The following KHDRBS2 variants were observed in gnomAD, a reference collection of about 807,000 sequenced individuals.
The protein encoded by KHDRBS2 is KH RNA binding domain containing, signal transduction associated 2, also known as KH domain-containing, RNA-binding, signal transduction-associated protein 2.
KHDRBS2 carries 26 observed loss-of-function variants against 44.3 expected under a neutral mutation model. That is an observed-to-expected ratio of 0.59 (90% confidence interval 0.43 to 0.81). The LOEUF (loss-of-function observed/expected upper bound fraction) is 0.81. Ranked by LOEUF, KHDRBS2 falls within the 40% of genes least tolerant of loss-of-function variation. The pLI is 0.00. For missense variants in KHDRBS2, 476 were observed against 433.1 expected, an observed-to-expected ratio of 1.10 and a Z score of -0.88; for synonymous variants, 194 against 151.1, an observed-to-expected ratio of 1.28 and a Z score of -2.08.
chr6:61,803,271 G>T (rs1002210005), intron 6 of KHDRBS2, among the ~76,000 whole-genome samples: 2 of 152,126 alleles, frequency 1.3e-5, no homozygotes, highest in Admixed American at 1.3e-4. Context: ...TGGAAACAAT[G>T]ATTATTAAGA....
intron 2 of KHDRBS2, among the ~76,000 whole-genome samples, chr6:62,107,409 G>A (rs994670194): frequency 1.2e-4 from 18 of 152,092 alleles, no homozygotes; most frequent in African/African-American, 4.1e-4. Context: ...CCTCTTCAAG[G>A]AGAACTACAA....
At chr6:62,101,541 A>G (rs896676578) in intron 2 of KHDRBS2, among the ~76,000 whole-genome samples, 4 of 152,204 alleles carry the variant, frequency 2.6e-5, no homozygotes, top group African/African-American at 9.7e-5. Context: ...TTGGCAAGAG[A>G]TGACAGAGGC....
the KHDRBS2 span, among the ~76,000 whole-genome samples, chr6:61,568,706 C>T: frequency 6.6e-6 from 1 of 152,128 alleles, no homozygotes; most frequent in Non-Finnish European, 1.5e-5. Flanking sequence ...ATTTAGGGAG[C>T]TGTGTGAAAT....
the KHDRBS2 span, among the ~76,000 whole-genome samples, chr6:61,557,964 C>T: frequency 1.3e-5 from 2 of 152,110 alleles, no homozygotes; most frequent in African/African-American, 2.4e-5. Context: ...TCCTTTGACG[C>T]TGTATCAGTT....
At chr6:61,684,709 C>A (rs1766640018) in intron 8 of KHDRBS2, among the ~76,000 whole-genome samples, 1 of 151,684 alleles carries the variant, frequency 6.6e-6, no homozygotes, top group Non-Finnish European at 1.5e-5. Context: ...AATCCAATAA[C>A]AAATTCCTCC....
At chr6:62,252,636 C>G (rs573326757) in intron 1 of KHDRBS2, among the ~76,000 whole-genome samples, 1 of 152,058 alleles carries the variant, frequency 6.6e-6, no homozygotes, top group African/African-American at 2.4e-5. Flanking sequence ...TTTTACCTGT[C>G]TCAAAGTTTC....
intron 3 of KHDRBS2, among the ~76,000 whole-genome samples, chr6:62,025,720 T>A (rs1478117970): frequency 2.0e-5 from 3 of 152,038 alleles, no homozygotes; most frequent in African/African-American, 4.8e-5. Context: ...GACTCTTAAC[T>A]TTTATGTTGG....
intron 6 of KHDRBS2, among the ~76,000 whole-genome samples, chr6:61,762,640 C>A (rs1024871927): frequency 6.6e-6 from 1 of 152,178 alleles, no homozygotes; most frequent in Non-Finnish European, 1.5e-5. Context: ...GAGGCTTTCA[C>A]CAGATGCTCA....
intron 2 of KHDRBS2, among the ~76,000 whole-genome samples, chr6:62,139,979 C>T (rs1171098171): frequency 6.7e-6 from 1 of 148,360 alleles, no homozygotes; most frequent in Non-Finnish European, 1.5e-5. Flanking sequence ...ATTTTATTTA[C>T]TTTCAAATAT....
intron 3 of KHDRBS2, among the ~76,000 whole-genome samples, chr6:62,008,670 G>A (rs1310178249): frequency 6.6e-6 from 1 of 152,146 alleles, no homozygotes. Flanking sequence ...GGAACCCCAT[G>A]GGAGATGATT....
At chr6:61,813,815 C>T in intron 6 of KHDRBS2, 24 of 407,934 alleles carry the variant, frequency 5.9e-5, no homozygotes, top group South Asian at 4.1e-4. Flanking sequence ...TTAATTATAA[C>T]AAAGAAAAAG....
At chr6:62,176,184 G>A (rs1280614935) in intron 2 of KHDRBS2, among the ~76,000 whole-genome samples, 1 of 151,248 alleles carries the variant, frequency 6.6e-6, no homozygotes, top group Non-Finnish European at 1.5e-5. Context: ...AAGAGAACAT[G>A]ATTATAAAGC....
chr6:62,114,704 T>C (rs1160451945), intron 2 of KHDRBS2, among the ~76,000 whole-genome samples: 1 of 151,066 alleles, frequency 6.6e-6, no homozygotes, highest in African/African-American at 2.5e-5. Context: ...TACATTAACA[T>C]AGTAACAGTT....
chr6:62,245,001 G>T (rs1301534752), intron 1 of KHDRBS2, among the ~76,000 whole-genome samples: 1 of 151,972 alleles, frequency 6.6e-6, no homozygotes, highest in African/African-American at 2.4e-5. Context: ...CTGAGGAGGA[G>T]AATATAATAT....
rs987851966 is a variant in KHDRBS2, at chr6:61,679,989, T to C, written c.*974A>G. ...TTTAAAATCCATTTATTATTCTAAA[T>C]CCATTTTTTTCCATTAACATGTTAT... On this transcript the variant is annotated 3_prime_UTR_variant, in exon 9 of 9. Transcript: ENST00000281156. 2 of 151,942 alleles carry C rather than the reference T, an allele frequency of 1.3e-5. No individual in the cohort carries two copies. The highest frequency in any genetic ancestry group is 2.9e-5 in the Non-Finnish European group (2 of 67,920). The allele number at this position is 151,942 out of a possible 1,614,324, so 9.4% of individuals were successfully genotyped here.
intron 4 of KHDRBS2, among the ~76,000 whole-genome samples, chr6:61,921,742 T>A (rs1429252702): frequency 6.6e-6 from 1 of 151,964 alleles, no homozygotes; most frequent in Non-Finnish European, 1.5e-5. Context: ...TTTATGGATG[T>A]TTTAGAGTTT....
chr6:62,078,884 G>T lies in KHDRBS2; in HGVS notation c.220-30890C>A, dbSNP rs138895048. Among the ~76,000 whole-genome samples, 671 of 152,024 alleles carry T rather than the reference G, an allele frequency of 4.4e-3. 8 individuals are homozygous for T. The highest frequency in any genetic ancestry group is 0.015 in the African/African-American group (635 of 41,514). On this transcript the variant is annotated intron_variant, in intron 2 of 8. Transcript: ENST00000281156. ...GCTACTAAAAGGGAACATTTTTTGT[G>T]TGTCACTGTTGGAAGACTTGCTCTT... is the stretch of plus-strand genomic sequence containing the variant.
chr6:62,187,239 C>A (rs1823629650), intron 1 of KHDRBS2, among the ~76,000 whole-genome samples: 1 of 152,040 alleles, frequency 6.6e-6, no homozygotes, highest in Admixed American at 6.6e-5. Flanking sequence ...AAAGGAAAAC[C>A]TGAATATTAA....
chr6:61,743,777 C>CG (rs202139281), intron 6 of KHDRBS2, among the ~76,000 whole-genome samples: 26,471 of 142,710 alleles, frequency 0.19, 2,676 homozygotes, highest in Non-Finnish European at 0.21. Flanking sequence ...GCTATCCCCC[C>CG]CCTCCCCCCA....
Sources: allele counts gnomAD v4.1 joint callset (sites outside exome capture counted in the v4.1 genomes callset), GRCh38; gene constraint gnomAD v4.1.1; transcripts MANE v1.5; gene names NCBI Gene and HGNC (gene_info 2026-07-23, HGNC 2026-07-21).